The following EYS variants were observed in gnomAD, a reference collection of about 807,000 sequenced individuals.
The protein encoded by EYS is EGF-like photoreceptor maintenance factor.
In EYS, 250 loss-of-function variants were observed where a neutral mutation model predicts 282.1. The ratio of observed to expected loss-of-function variants is 0.89; its 90% confidence interval spans 0.80 to 0.98. The LOEUF (loss-of-function observed/expected upper bound fraction) is 0.98, where lower values mean the gene tolerates loss of function less well. EYS is among the 50% of genes least tolerant of loss of function. The pLI, the probability that EYS is intolerant of heterozygous loss-of-function variation, is 0.00. For synonymous variants in EYS, 1,355 were observed against 1,282.9 expected (o/e 1.06, Z -1.20); for missense variants, 4,016 against 3,709.0 (o/e 1.08, Z -2.15).
chr6:64,359,259 G>T (rs539858084), intron 29 of EYS, among the ~76,000 whole-genome samples: 53 of 151,748 alleles, frequency 3.5e-4, no homozygotes, highest in African/African-American at 1.2e-3. Context: ...ATAAATTTAT[G>T]AAATTGAAAG....
At position 64,386,083 on chromosome 6, in the gene EYS, T is replaced by G. The variant is rs554752978; in HGVS notation, c.6078+2607A>C. Among the ~76,000 whole-genome samples, 4 of 152,302 alleles carry G rather than the reference T, an allele frequency of 2.6e-5. No individual in the cohort carries two copies. In the South Asian group the frequency reaches 8.3e-4, roughly 32 times the overall value. ...TCCCACAGCCATATGTTAATGATCTTTTGTGAACCGAAGGCCCGTATTTCA... is the reference window on the plus strand; with the variant it reads ...TCCCACAGCCATATGTTAATGATCTGTTGTGAACCGAAGGCCCGTATTTCA... On this transcript the variant is annotated intron_variant, in intron 29 of 42. Transcript: ENST00000503581.
chr6:64,048,751 G>T (rs550071144), intron 33 of EYS, among the ~76,000 whole-genome samples: 3 of 150,792 alleles, frequency 2.0e-5, no homozygotes, highest in African/African-American at 4.9e-5. Context: ...TCTGGTTTCT[G>T]TTTCCTCTGA....
At chr6:64,546,343 G>C (rs1453628174) in intron 26 of EYS, among the ~76,000 whole-genome samples, 18 of 151,310 alleles carry the variant, frequency 1.2e-4, no homozygotes, top group South Asian at 6.3e-4. Context: ...AACTGGATCC[G>C]TTCCTTACAC....
chr6:64,833,899 A>G (rs942797821), intron 19 of EYS, among the ~76,000 whole-genome samples: 3 of 151,950 alleles, frequency 2.0e-5, no homozygotes, highest in African/African-American at 7.2e-5. Context: ...TTTACAATGT[A>G]TGTTTCTCTT....
intron 31 of EYS, among the ~76,000 whole-genome samples, chr6:64,183,274 C>T (rs150840172): frequency 0.01 from 1,545 of 152,242 alleles, 34 homozygotes; most frequent in African/African-American, 0.034. Context: ...TACCCAGTCT[C>T]AAGTATGTCT....
At chr6:65,096,426 G>A (rs959084003) in intron 12 of EYS, among the ~76,000 whole-genome samples, 3 of 150,702 alleles carry the variant, frequency 2.0e-5, no homozygotes, top group African/African-American at 7.3e-5. Flanking sequence ...ATCACAAAGT[G>A]ATCTACAGAT....
intron 5 of EYS, among the ~76,000 whole-genome samples, chr6:65,477,604 T>C (rs1394288951): frequency 2.6e-5 from 4 of 152,160 alleles, no homozygotes; most frequent in African/African-American, 4.8e-5. Flanking sequence ...GGGAAGCCAA[T>C]TGACGCATTC....
At chr6:64,452,985 C>T (rs1775416286) in intron 26 of EYS, among the ~76,000 whole-genome samples, 1 of 152,156 alleles carries the variant, frequency 6.6e-6, no homozygotes, top group Admixed American at 6.5e-5. Context: ...AAAGCAATGG[C>T]AACAAAAGCC....
chr6:65,059,646 G>A (rs1415900826), intron 12 of EYS, among the ~76,000 whole-genome samples: 1 of 151,980 alleles, frequency 6.6e-6, no homozygotes, highest in Admixed American at 6.6e-5. Flanking sequence ...ATAATTATTG[G>A]GTTCTGAAGT....
At chr6:65,063,228 T>C (rs1773631466) in intron 12 of EYS, among the ~76,000 whole-genome samples, 1 of 152,052 alleles carries the variant, frequency 6.6e-6, no homozygotes, top group African/African-American at 2.4e-5. Context: ...ATATCATTAT[T>C]AAATCTGGTT....
At chr6:65,092,218 T>C (rs991705613) in intron 12 of EYS, among the ~76,000 whole-genome samples, 1 of 152,102 alleles carries the variant, frequency 6.6e-6, no homozygotes, top group Non-Finnish European at 1.5e-5. Context: ...ATCCAGTCAG[T>C]CTTGAATTCA....
intron 36 of EYS, among the ~76,000 whole-genome samples, chr6:63,852,008 T>C (rs1302641466): frequency 6.6e-6 from 1 of 151,402 alleles, no homozygotes; most frequent in African/African-American, 2.4e-5. Context: ...ATACAAAAAA[T>C]TAGCCAGGCG....
intron 2 of EYS, among the ~76,000 whole-genome samples, chr6:65,508,123 C>T (rs1428290773): frequency 6.6e-6 from 1 of 152,064 alleles, no homozygotes; most frequent in Non-Finnish European, 1.5e-5. Context: ...CCTAAAGGTG[C>T]CTAAGACTTG....
At chr6:64,876,373 A>G (rs1766752103) in intron 19 of EYS, among the ~76,000 whole-genome samples, 1 of 152,154 alleles carries the variant, frequency 6.6e-6, no homozygotes, top group Non-Finnish European at 1.5e-5. Flanking sequence ...ACACTTTATG[A>G]AAAACTATAA....
intron 12 of EYS, among the ~76,000 whole-genome samples, chr6:65,225,145 T>C (rs1253743664): frequency 2.0e-5 from 3 of 151,694 alleles, no homozygotes; most frequent in South Asian, 2.1e-4. Flanking sequence ...ATATATCTTA[T>C]GGATATAGTT....
intron 8 of EYS, among the ~76,000 whole-genome samples, chr6:65,364,042 T>C (rs1389924335): frequency 4.0e-5 from 6 of 149,382 alleles, no homozygotes; most frequent in South Asian, 2.1e-4. Flanking sequence ...ACTTCTTTGG[T>C]ATTTTTTCAA....
intron 1 of EYS, among the ~76,000 whole-genome samples, chr6:65,701,197 A>G (rs550600486): frequency 4.0e-4 from 61 of 152,304 alleles, no homozygotes; most frequent in African/African-American, 1.4e-3. Context: ...GAATATAAAA[A>G]TATTTAAAAT....
At position 64,997,621 on chromosome 6, in the gene EYS, A is replaced by T; in HGVS notation, c.2220T>A (p.Asn740Lys). The change falls in exon 14 of 43, where the codon AAT becomes AAA. Residue 740 changes from asparagine to lysine, a missense_variant. Physicochemically the swap from Asn to Lys is moderately conservative, Grantham distance 94. Coordinates refer to ENST00000503581, the MANE Select transcript of EYS (RefSeq NM_001142800.2). ...CEQDIDDCIL[N>K]ACEHNSTCKD... ...TGCAGGTAGAATTGTGCTCACAGGC[A>T]TTCAGGATGCAGTCATCAATGTCCT... The T allele has an allele frequency of 6.4e-7, 1 of 1,551,370 alleles. No individual in the cohort carries two copies. The highest frequency in any genetic ancestry group is 2.4e-5 in the East Asian group (1 of 40,860).
intron 1 of EYS, among the ~76,000 whole-genome samples, chr6:65,706,661 C>G (rs781640590): frequency 6.6e-6 from 1 of 152,170 alleles, no homozygotes; most frequent in African/African-American, 2.4e-5. Context: ...GAATAAACAT[C>G]ACCTCCAACA....
Sources: gnomAD v4.1 joint callset for allele counts (sites outside exome capture counted in the v4.1 genomes callset) on GRCh38, gnomAD v4.1.1 for gene constraint, MANE v1.5 for transcripts, NCBI Gene and HGNC (gene_info 2026-07-23, HGNC 2026-07-21) for gene names.